Variants in CLSTN2 observed in about 807,000 individuals in gnomAD.
CLSTN2 encodes calsyntenin 2, also known as calsyntenin-2.
In CLSTN2, 48 loss-of-function variants were observed where a neutral mutation model predicts 101.2. The ratio of observed to expected loss-of-function variants is 0.47; its 90% CI spans 0.38 to 0.60. CLSTN2 has a LOEUF of 0.60. Among genes scored for constraint, CLSTN2 ranks in the 20% least tolerant of loss-of-function variants. The probability of loss-of-function intolerance (pLI) is 0.00; values close to 1 mark genes in which losing one functional copy is unlikely to be tolerated. For missense variants in CLSTN2, 1,160 were observed against 1,238.2 expected, an observed-to-expected ratio of 0.94 and a Z score of 0.95; for synonymous variants, 481 against 463.6, an observed-to-expected ratio of 1.04 and a Z score of -0.48.
chr3:140,486,180 T>C (rs1934239000), intron 8 of CLSTN2, among the ~76,000 whole-genome samples: 1 of 152,038 alleles, frequency 6.6e-6, no homozygotes, highest in South Asian at 2.1e-4. Flanking sequence ...AACATTTTAC[T>C]GAAAACTTTG....
At chr3:140,005,760 G>A (rs931232494) in intron 1 of CLSTN2, among the ~76,000 whole-genome samples, 3 of 152,302 alleles carry the variant, frequency 2.0e-5, no homozygotes, top group South Asian at 4.1e-4. Context: ...AATTTGAAGT[G>A]GGAAAAGCAG....
chr3:140,284,634 A>G (rs2086879826), intron 2 of CLSTN2, among the ~76,000 whole-genome samples: 1 of 152,130 alleles, frequency 6.6e-6, no homozygotes, highest in Non-Finnish European at 1.5e-5. Context: ...CAGCAGCACA[A>G]ATCCTCTCTC....
intron 2 of CLSTN2, among the ~76,000 whole-genome samples, chr3:140,393,936 T>C (rs954465915): frequency 1.3e-5 from 2 of 152,172 alleles, no homozygotes; most frequent in Non-Finnish European, 2.9e-5. Flanking sequence ...GCTCTCTTCC[T>C]CCTCTTTGCA....
chr3:140,189,147 T>C (rs892347912), intron 2 of CLSTN2, among the ~76,000 whole-genome samples: 1 of 152,224 alleles, frequency 6.6e-6, no homozygotes. Context: ...GGTATGGATA[T>C]ACCACACTCT....
At chr3:140,429,978 G>T (rs896426917) in intron 5 of CLSTN2, among the ~76,000 whole-genome samples, 1 of 152,156 alleles carries the variant, frequency 6.6e-6, no homozygotes, top group African/African-American at 2.4e-5. Flanking sequence ...TAAACACCCA[G>T]TCCCCAGGGG....
At chr3:140,236,861 G>C (rs2086422613) in intron 2 of CLSTN2, among the ~76,000 whole-genome samples, 1 of 118,326 alleles carries the variant, frequency 8.5e-6, no homozygotes, top group African/African-American at 2.9e-5. Context: ...GTGTGTGTGT[G>C]TGTATATAAA....
chr3:140,323,206 G>A (rs944368351), intron 2 of CLSTN2, among the ~76,000 whole-genome samples: 7 of 152,158 alleles, frequency 4.6e-5, no homozygotes, highest in African/African-American at 1.7e-4. Context: ...GGGCTTCCGG[G>A]GTTCTTCCTG....
chr3:140,117,412 C>T (rs551549383), intron 1 of CLSTN2, among the ~76,000 whole-genome samples: 24 of 152,246 alleles, frequency 1.6e-4, no homozygotes, highest in Middle Eastern at 3.4e-3. Context: ...ATTTCCTTGC[C>T]TATAAAACAG....
At chr3:140,238,672 T>C (rs2086435886) in intron 2 of CLSTN2, among the ~76,000 whole-genome samples, 1 of 152,222 alleles carries the variant, frequency 6.6e-6, no homozygotes, top group Non-Finnish European at 1.5e-5. Flanking sequence ...GAGATCTTTT[T>C]AGAATTAGAA....
At chr3:139,971,589 A>G (rs531232702) in intron 1 of CLSTN2, among the ~76,000 whole-genome samples, 1 of 152,318 alleles carries the variant, frequency 6.6e-6, no homozygotes, top group East Asian at 1.9e-4. Context: ...CCAAGCAGGA[A>G]CAGTTGTTAA....
At chr3:140,356,175 G>C (rs991516319) in intron 2 of CLSTN2, among the ~76,000 whole-genome samples, 32 of 152,292 alleles carry the variant, frequency 2.1e-4, no homozygotes, top group African/African-American at 7.2e-4. Context: ...GCAGTTTGCA[G>C]AGCCTTGGAC....
chr3:139,994,740 A>G (rs934782692), intron 1 of CLSTN2, among the ~76,000 whole-genome samples: 1 of 152,160 alleles, frequency 6.6e-6, no homozygotes, highest in Non-Finnish European at 1.5e-5. Context: ...AATGAGCCTC[A>G]TGGATTGGAG....
At chr3:140,535,218 C>T (rs1443620676) in intron 9 of CLSTN2, among the ~76,000 whole-genome samples, 2 of 152,232 alleles carry the variant, frequency 1.3e-5, no homozygotes, top group African/African-American at 4.8e-5. Context: ...GGGAGAAATA[C>T]AGCAGTCTTT....
At chr3:140,257,014 C>T (rs887257403) in intron 2 of CLSTN2, among the ~76,000 whole-genome samples, 1 of 152,100 alleles carries the variant, frequency 6.6e-6, no homozygotes, top group Non-Finnish European at 1.5e-5. Flanking sequence ...ATAGGCCGGG[C>T]GCGATGGCTC....
In CLSTN2 at chr3:140,382,035, C is replaced by T. The variant is rs138358376; in HGVS notation, c.233-21594C>T. 2.6e-3 allele frequency among the ~76,000 whole-genome samples: 390 copies of T among 152,278 alleles called. 2 individuals are homozygous for T. The highest frequency in any genetic ancestry group is 0.012 in the South Asian group (58 of 4,808). ...GGAGGTTTGTACTCCTGCCTCAAGG[C>T]CTTTGCGCTTGCTGTTTTTCTACCC... On this transcript the variant is annotated intron_variant, in intron 2 of 16. Coordinates refer to ENST00000458420, the MANE Select transcript of CLSTN2 (RefSeq NM_022131.3).
intron 2 of CLSTN2, among the ~76,000 whole-genome samples, chr3:140,337,017 A>C (rs574079893): frequency 6.6e-6 from 1 of 152,300 alleles, no homozygotes; most frequent in South Asian, 2.1e-4. Flanking sequence ...GCAATTCTTC[A>C]GTCTCTGGAG....
intron 1 of CLSTN2, among the ~76,000 whole-genome samples, chr3:140,097,658 C>T (rs1468582662): frequency 2.6e-5 from 4 of 152,160 alleles, no homozygotes; most frequent in African/African-American, 7.2e-5. Flanking sequence ...AGAGAGCCCA[C>T]GTATTACCTC....
intron 1 of CLSTN2, among the ~76,000 whole-genome samples, chr3:139,979,600 T>C (rs1259613350): frequency 6.6e-6 from 1 of 152,202 alleles, no homozygotes; most frequent in Non-Finnish European, 1.5e-5. Flanking sequence ...AGGGGAGCTT[T>C]TACTATTATG....
chr3:140,241,874 T>TACACAC (rs1402235729), intron 2 of CLSTN2, among the ~76,000 whole-genome samples: 120 of 60,030 alleles, frequency 2.0e-3, no homozygotes, highest in African/African-American at 5.4e-3. Context: ...TATACACATA[T>TACACAC]ATATATACAC....
Sources: gnomAD v4.1 joint callset for allele counts (sites outside exome capture counted in the v4.1 genomes callset) on GRCh38, gnomAD v4.1.1 for gene constraint, MANE v1.5 for transcripts, NCBI Gene and HGNC (gene_info 2026-07-23, HGNC 2026-07-21) for gene names.